Variants in LRP4 observed in about 807,000 individuals in gnomAD.
LRP4 encodes the protein low-density lipoprotein receptor-related protein 4.
In LRP4, 95 loss-of-function variants were observed where a neutral mutation model predicts 220.3. That is an observed-to-expected ratio of 0.43 (90% CI 0.37 to 0.51). LRP4 has a LOEUF of 0.51. LRP4 is among the 20% of genes least tolerant of loss of function. LRP4 has a pLI of 0.00. For synonymous variants in LRP4, 903 were observed against 954.6 expected (o/e 0.95, Z 1.00); for missense variants, 1,925 against 2,567.0 (o/e 0.75, Z 5.40).
At chr11:46,884,506 G>A (rs1178017121) in intron 18 of LRP4, among the ~76,000 whole-genome samples, 1 of 151,980 alleles carries the variant, frequency 6.6e-6, no homozygotes, top group Non-Finnish European at 1.5e-5. Context: ...GGAGGCCGAG[G>A]CGGGTGGATC....
chr11:46,911,841 C>CT (rs540593524), intron 1 of LRP4, among the ~76,000 whole-genome samples: 32,395 of 118,668 alleles, frequency 0.27, 5,462 homozygotes, highest in South Asian at 0.39. Flanking sequence ...TGGGAATCTT[C>CT]TTTTTTTTTT....
Position 46,873,711 on chromosome 11 carries a change from C to A in LRP4, c.4230-118G>T. On this transcript the variant is annotated intron_variant, in intron 28 of 37. Transcript: ENST00000378623. This position sits in a 1 kb window ranked among gnomAD's most constrained non-coding sequence, Gnocchi z 4.2. The stretch of plus-strand genomic sequence containing the variant: ...CTGTAAGCTCCACAGGGATAGAGAC[C>A]AGGTATCTATGAGTACATTCCTCAG... The A allele has an allele frequency of 2.7e-6, 2 of 742,460 alleles. No individual in the cohort carries two copies. The highest frequency in any genetic ancestry group is 3.5e-5 in the South Asian group (2 of 57,266). 46.0% of individuals were successfully genotyped at this position (742,460 alleles called of 1,614,324 possible).
rs762929666 is a variant in LRP4 at position 46,902,869 on chromosome 11, G to A, written c.113C>T (p.Ala38Val). 4 of 1,614,008 alleles carry A rather than the reference G, an allele frequency of 2.5e-6. No homozygotes were observed. In the African/African-American group the frequency reaches 4.0e-5, roughly 16 times the overall value. ...AGGGATGCAGGTACACTCTCCAAGA[G>A]CACTCACTGCACATGTGAAGTGGCT... The part of the protein sequence containing the change: ...GRSHFTCAVS[A>V]LGECTCIPAQ... Residue 38 changes from alanine to valine, a missense_variant, in exon 2 of 38, where the codon GCT becomes GTT. This residue lies in a region of LRP4 where 412 missense variants were observed against 505.4 expected (regional missense o/e 0.82). Coordinates refer to ENST00000378623, the MANE Select transcript of LRP4 (RefSeq NM_002334.4).
At chr11:46,886,567 G>C in intron 16 of LRP4, 34 bp from the exon 17 acceptor site, 1 of 1,563,168 alleles carries the variant, frequency 6.4e-7, no homozygotes, top group Non-Finnish European at 8.8e-7. Flanking sequence ...TTCTTTTAAT[G>C]CTCTAAATCC....
chr11:46,888,246 C>T (rs977487669), intron 16 of LRP4, among the ~76,000 whole-genome samples: 24 of 29,598 alleles, frequency 8.1e-4, no homozygotes, highest in African/African-American at 1.5e-3. Flanking sequence ...CACTTGAACC[C>T]GGGAGGCGGA....
chr11:46,890,330 A>G lies in LRP4; in HGVS notation c.1862T>C (p.Val621Ala). 1 of 1,614,164 alleles carries G rather than the reference A, an allele frequency of 6.2e-7. No homozygotes were observed. The highest frequency in any genetic ancestry group is 8.5e-7 in the Non-Finnish European group (1 of 1,180,038). The stretch of plus-strand genomic sequence containing the variant: ...CCCATCCAGATTGGCCCTCTCGATG[A>G]CATGGTGCTTAGCATCCACCCAGTA... ...RMYWVDAKHHVIERANLDGSH... is the reference protein window; with the variant it reads ...RMYWVDAKHHAIERANLDGSH... The change falls in exon 14 of 38, where the codon GTC becomes GCC. Residue 621 changes from valine (V) to alanine (A), a missense_variant. By Grantham distance (64) the Val-to-Ala change is moderately conservative. This residue lies in a region of LRP4 where 269 missense variants were observed against 436.7 expected (regional missense o/e 0.62). Transcript: ENST00000378623. The surrounding 1 kb of genome is among the most constrained non-coding windows in gnomAD (Gnocchi z 5.3).
At chr11:46,907,943 T>C (rs2134879188) in intron 1 of LRP4, among the ~76,000 whole-genome samples, 1 of 152,258 alleles carries the variant, frequency 6.6e-6, no homozygotes, top group South Asian at 2.1e-4. Flanking sequence ...TAACCATCTT[T>C]TTTTTTTCCG....
At chr11:46,908,377 T>G (rs775200592) in intron 1 of LRP4, among the ~76,000 whole-genome samples, 3 of 152,244 alleles carry the variant, frequency 2.0e-5, no homozygotes, top group Non-Finnish European at 4.4e-5. Context: ...TTTTTGCCAT[T>G]ACTTTTAATG....
chr11:46,878,997 G>A lies in LRP4; in HGVS notation c.3046C>T (p.Leu1016=), dbSNP rs1941085319. Residue 1016 remains leucine, a synonymous_variant, in exon 22 of 38, where the codon CTG becomes TTG. Transcript: ENST00000378623. ...CTTGGATTTGGGGACCTAAGACACA[G>A]GTGGCTACAGCCGCCATTCTCCATA... ...CAMENGGCSH[L]CLRSPNPSGF... 1 of 1,614,240 alleles carries A rather than the reference G, an allele frequency of 6.2e-7. No homozygotes were observed.
intron 19 of LRP4, 73 bp downstream of exon 19, chr11:46,883,798 C>T (rs1424887357): frequency 1.7e-6 from 2 of 1,188,270 alleles, no homozygotes; most frequent in African/African-American, 1.5e-5. Context: ...TCTTCCTAAT[C>T]TTTAGACTCC....
Position 46,875,348 on chromosome 11 carries a change from G to A in LRP4, c.3925+108C>T, listed in dbSNP as rs901757622. 97 of 1,074,378 alleles carry A rather than the reference G, an allele frequency of 9.0e-5. No individual in the cohort carries two copies. In the African/African-American group the frequency reaches 1.2e-3, roughly 13 times the overall value. 66.6% of individuals were successfully genotyped at this position (1,074,378 alleles called of 1,614,324 possible). A position where few individuals can be genotyped will look rare whatever the true frequency, so the allele number is the denominator to read the frequency against. Reference sequence around the variant, plus strand: ...TGGAAGGGAGCTTAAACAGGTCACCGTCTTTCTGGCTGTAAAGGAGCTCTG... The same window carrying A: ...TGGAAGGGAGCTTAAACAGGTCACCATCTTTCTGGCTGTAAAGGAGCTCTG... On this transcript the variant is annotated intron_variant, in intron 27 of 37. Coordinates refer to ENST00000378623, the MANE Select transcript of LRP4 (RefSeq NM_002334.4). This position sits in a 1 kb window ranked among gnomAD's most constrained non-coding sequence, Gnocchi z 4.5.
At position 46,876,618 on chromosome 11, in the gene LRP4, C is replaced by T. The variant is rs144335505; in HGVS notation, c.3384G>A (p.Gly1128=). 1.7e-4 allele frequency: 275 copies of T among 1,614,186 alleles called. No homozygotes were observed. The highest frequency in any genetic ancestry group is 1.2e-4 in the Non-Finnish European group (145 of 1,180,044). The change falls in exon 25 of 38, where the codon GGG becomes GGA. Residue 1128 remains glycine, a synonymous_variant. Coordinates refer to ENST00000378623, the MANE Select transcript of LRP4 (RefSeq NM_002334.4). ...TCCGGCCAATGGCATCAACCGCGAG[C>T]CCATCTGTGGTCTGTAGCCCTGTGG... The part of the protein sequence containing the change: ...IITTGLQTTD[G]LAVDAIGRKV...
chr11:46,884,970 T>C (rs888745861), intron 18 of LRP4, among the ~76,000 whole-genome samples: 2 of 152,046 alleles, frequency 1.3e-5, no homozygotes, highest in Admixed American at 6.6e-5. Context: ...CCCCCAAAGA[T>C]TCTGATTCAG....
intron 1 of LRP4, among the ~76,000 whole-genome samples, chr11:46,904,159 C>G (rs980068616): frequency 2.6e-5 from 4 of 152,240 alleles, no homozygotes; most frequent in African/African-American, 9.6e-5. Flanking sequence ...CATCTCTCCC[C>G]CTTCCTTTCT....
intron 16 of LRP4, 121 bp from the exon 17 acceptor site, chr11:46,886,654 GC>G: frequency 1.2e-6 from 1 of 821,088 alleles, no homozygotes; most frequent in Non-Finnish European, 2.0e-6. Flanking sequence ...GGTGCCCTTT[GC>G]CCCCTATACT....
At chr11:46,888,230 G>A (rs1318668801) in intron 16 of LRP4, among the ~76,000 whole-genome samples, 2 of 131,634 alleles carry the variant, frequency 1.5e-5, no homozygotes, top group African/African-American at 5.9e-5. Context: ...GCTGAGGCAG[G>A]AGAAGCACTT....
chr11:46,893,426 G>A (rs191668271), intron 12 of LRP4, among the ~76,000 whole-genome samples: 67 of 152,262 alleles, frequency 4.4e-4, no homozygotes, highest in Non-Finnish European at 1.5e-4. Flanking sequence ...CATTCCCAGG[G>A]TCCCCCACTG....
intron 20 of LRP4, among the ~76,000 whole-genome samples, chr11:46,881,493 A>C (rs985042642): frequency 2.0e-5 from 3 of 152,106 alleles, no homozygotes; most frequent in Non-Finnish European, 4.4e-5. Context: ...TTCATCATCA[A>C]CCAGCAGCCC....
intron 12 of LRP4, among the ~76,000 whole-genome samples, chr11:46,893,439 C>A (rs1241083469): frequency 6.6e-6 from 1 of 152,200 alleles, no homozygotes; most frequent in Non-Finnish European, 1.5e-5. Context: ...CCCCACTGCA[C>A]TGACCCAGGG....
Sources: allele counts gnomAD v4.1 joint callset (sites outside exome capture counted in the v4.1 genomes callset), GRCh38; gene constraint gnomAD v4.1.1; regional missense constraint gnomAD v4.1.1; non-coding constraint Gnocchi (gnomAD v3.1); transcripts MANE v1.5; gene names NCBI Gene and HGNC (gene_info 2026-07-23, HGNC 2026-07-21).